CPA6: variants seen among roughly 807,000 people sequenced by gnomAD.
CPA6 encodes carboxypeptidase A6.
CPA6 carries 58 observed loss-of-function variants against 63.3 expected under a neutral mutation model. The observed-to-expected ratio is 0.92, with a 90% CI of 0.74 to 1.14. CPA6 has a LOEUF of 1.14. CPA6 is among the 50% of genes most tolerant of loss of function. The probability of loss-of-function intolerance (pLI) is 0.00; values close to 1 mark genes in which losing one functional copy is unlikely to be tolerated. For missense variants in CPA6, 565 were observed against 526.6 expected (o/e 1.07, Z -0.71); for synonymous variants, 185 against 179.0 (o/e 1.03, Z -0.27).
At chr8:67,624,314 T>C in intron 1 of CPA6, 63 bp from the exon 2 acceptor site, 2 of 858,112 alleles carry the variant, frequency 2.3e-6, no homozygotes, top group Non-Finnish European at 3.7e-6. Context: ...AGTCATCTCT[T>C]TCTTACCTCT....
rs142734053 is a variant in CPA6 at position 67,636,040 on chromosome 8, G to A, written c.117-11789C>T. On this transcript the variant is annotated intron_variant, in intron 1 of 10. Coordinates refer to ENST00000297770, the MANE Select transcript of CPA6 (RefSeq NM_020361.5). ...TATCCCCATATCAGAACTGAGTCTC[G>A]ATTAGCCACTCAGAACTTGGATATC... Among the ~76,000 whole-genome samples the A allele has an allele frequency of 3.3e-5, 5 of 151,600 alleles. No homozygotes were observed. The East Asian group carries it at 5.8e-4, about 18-fold the overall frequency.
chr8:67,431,239 T>C (rs768651395), intron 9 of CPA6, among the ~76,000 whole-genome samples: 3 of 151,928 alleles, frequency 2.0e-5, no homozygotes, highest in Non-Finnish European at 4.4e-5. Context: ...AACATTCTCA[T>C]ATGATAATTT....
At chr8:67,500,352 T>C (rs1014012885) in intron 6 of CPA6, among the ~76,000 whole-genome samples, 1 of 152,172 alleles carries the variant, frequency 6.6e-6, no homozygotes, top group African/African-American at 2.4e-5. Context: ...GTTCAATGTC[T>C]CTTCATGTCT....
intron 8 of CPA6, among the ~76,000 whole-genome samples, chr8:67,475,455 C>T (rs957704065): frequency 7.2e-5 from 11 of 152,296 alleles, no homozygotes; most frequent in Admixed American, 1.3e-4. Context: ...TGTAAATACA[C>T]GGCACAGTTC....
chr8:67,698,687 A>G (rs895654901), intron 1 of CPA6, among the ~76,000 whole-genome samples: 4 of 152,184 alleles, frequency 2.6e-5, no homozygotes, highest in African/African-American at 9.7e-5. Flanking sequence ...CCTCTCCCCA[A>G]CTGGATTTAT....
rs564143910 is a variant in CPA6, at chr8:67,702,927, AT to A, written c.116+43086del. On this transcript the variant is annotated intron_variant, in intron 1 of 10. Coordinates refer to ENST00000297770, the MANE Select transcript of CPA6 (RefSeq NM_020361.5). Reference sequence around the variant, plus strand: ...TTCCAAGTGTACTTTACTTCCTTTCATTCCTGCTCTAAAACTTCTTAATAAA... The same window carrying A: ...TTCCAAGTGTACTTTACTTCCTTTCATCCTGCTCTAAAACTTCTTAATAAA... Among the ~76,000 whole-genome samples, 598 of 152,232 alleles carry A rather than the reference AT, an allele frequency of 3.9e-3. 2 individuals are homozygous for A. Among genetic ancestry groups the A allele is most frequent in the Non-Finnish European group, 7.0e-3 (473 of 68,014 alleles).
At chr8:67,607,156 CTT>C (rs1564021184) in intron 2 of CPA6, among the ~76,000 whole-genome samples, 4 of 97,782 alleles carry the variant, frequency 4.1e-5, no homozygotes, top group African/African-American at 1.3e-4. Context: ...CCCCCCTCCT[CTT>C]CTTCTTCTTC....
At chr8:67,708,388 G>A (rs983526235) in intron 1 of CPA6, among the ~76,000 whole-genome samples, 2 of 152,142 alleles carry the variant, frequency 1.3e-5, no homozygotes, top group South Asian at 4.1e-4. Context: ...CCTTTTATTA[G>A]ATTCTAATAA....
At chr8:67,622,907 T>C (rs989094806) in intron 2 of CPA6, among the ~76,000 whole-genome samples, 1 of 152,230 alleles carries the variant, frequency 6.6e-6, no homozygotes, top group African/African-American at 2.4e-5. Flanking sequence ...TTGGTAGGCA[T>C]GGAAAAGAAC....
At chr8:67,734,345 GAAA>G (rs566419853) in intron 1 of CPA6, among the ~76,000 whole-genome samples, 1,001 of 97,938 alleles carry the variant, frequency 0.01, 27 homozygotes, top group Admixed American at 0.075. Flanking sequence ...GGGCCCCATG[GAAA>G]AAAAAAAAAA....
chr8:67,482,706 T>C (rs1264262411), intron 8 of CPA6, among the ~76,000 whole-genome samples: 3 of 152,186 alleles, frequency 2.0e-5, no homozygotes, highest in Admixed American at 6.5e-5. Flanking sequence ...ATAAATTCCT[T>C]TAGTCCCTAT....
chr8:67,667,051 A>G (rs1816247113), intron 1 of CPA6, among the ~76,000 whole-genome samples: 1 of 152,174 alleles, frequency 6.6e-6, no homozygotes, highest in African/African-American at 2.4e-5. Context: ...CCTGGCCCAC[A>G]GATGTTCAAT....
chr8:67,491,223 GTT>G (rs11379483), intron 6 of CPA6, among the ~76,000 whole-genome samples: 7 of 125,444 alleles, frequency 5.6e-5, no homozygotes, highest in African/African-American at 8.8e-5. Flanking sequence ...TTACAGGGAA[GTT>G]TTTTTTTTTT....
At chr8:67,694,874 C>T (rs2098874) in intron 1 of CPA6, among the ~76,000 whole-genome samples, 47,571 of 151,914 alleles carry the variant, frequency 0.31, 7,656 homozygotes, top group South Asian at 0.37. Context: ...AGAGAAATGT[C>T]CAGATGTCCA....
At chr8:67,734,871 T>C (rs181835199) in intron 1 of CPA6, among the ~76,000 whole-genome samples, 21 of 152,324 alleles carry the variant, frequency 1.4e-4, no homozygotes, top group African/African-American at 4.8e-4. Flanking sequence ...TGGTGATTCA[T>C]GAATTAGTCT....
intron 1 of CPA6, among the ~76,000 whole-genome samples, chr8:67,713,141 T>A (rs1271474043): frequency 3.3e-4 from 23 of 68,904 alleles, no homozygotes; most frequent in Admixed American, 8.8e-4. Flanking sequence ...ATATATATAT[T>A]AACAGGGTTC....
At chr8:67,672,584 C>T (rs1022547854) in intron 1 of CPA6, among the ~76,000 whole-genome samples, 1 of 152,190 alleles carries the variant, frequency 6.6e-6, no homozygotes, top group Admixed American at 6.5e-5. Flanking sequence ...ACCCTAGGGT[C>T]TTCCAGAATA....
intron 2 of CPA6, among the ~76,000 whole-genome samples, chr8:67,529,755 C>G (rs1563987916): frequency 6.6e-6 from 1 of 152,092 alleles, no homozygotes; most frequent in Non-Finnish European, 1.5e-5. Context: ...AATACCTCCC[C>G]TCAAAGAAGA....
intron 1 of CPA6, among the ~76,000 whole-genome samples, chr8:67,632,497 G>T (rs1815364801): frequency 6.6e-6 from 1 of 151,822 alleles, no homozygotes; most frequent in South Asian, 2.1e-4. Flanking sequence ...TTTTTTTAGA[G>T]ATTTTTTTCT....
Sources: allele counts gnomAD v4.1 joint callset (sites outside exome capture counted in the v4.1 genomes callset), GRCh38; gene constraint gnomAD v4.1.1; transcripts MANE v1.5; gene names NCBI Gene and HGNC (gene_info 2026-07-23, HGNC 2026-07-21).